The following ZEB2 variants were observed in gnomAD, a reference collection of about 807,000 sequenced individuals.
ZEB2 encodes the protein zinc finger E-box-binding homeobox 2.
In ZEB2, 6 loss-of-function variants were observed where a neutral mutation model predicts 99.9. The ratio of observed to expected loss-of-function variants is 0.06; its 90% CI spans 0.03 to 0.12. The LOEUF (loss-of-function observed/expected upper bound fraction) is 0.12, where lower values mean the gene tolerates loss of function less well. Among genes scored for constraint, ZEB2 ranks in the 10% least tolerant of loss-of-function variants. The pLI, the probability that ZEB2 is intolerant of heterozygous loss-of-function variation, is 1.00. For synonymous variants in ZEB2, 517 were observed against 542.5 expected, an observed-to-expected ratio of 0.95 and a Z score of 0.65; for missense variants, 969 against 1,502.8, an observed-to-expected ratio of 0.64 and a Z score of 5.87.
chr2:144,443,724 T>C (rs1290940967), intron 2 of ZEB2, among the ~76,000 whole-genome samples: 1 of 152,224 alleles, frequency 6.6e-6, no homozygotes, highest in Non-Finnish European at 1.5e-5. Context: ...GTATTTGTTC[T>C]CACAGATTCC....
intron 2 of ZEB2, among the ~76,000 whole-genome samples, chr2:144,441,164 C>CGAGAGAGACA (rs1553965032): frequency 2.3e-5 from 2 of 88,852 alleles, no homozygotes; most frequent in Non-Finnish European, 4.3e-5. Flanking sequence ...TTTAGCTGCA[C>CGAGAGAGACA]GAGAGAGAGA....
intron 4 of ZEB2, among the ~76,000 whole-genome samples, chr2:144,415,724 T>C (rs1256645711): frequency 6.6e-6 from 1 of 152,230 alleles, no homozygotes; most frequent in East Asian, 1.9e-4. Flanking sequence ...ATTCAACAAA[T>C]ACCCTGGTTA....
rs1389508177 is a variant in ZEB2 at position 144,389,778 on chromosome 2, C to A, written c.3318G>T (p.Leu1106=). The A allele has an allele frequency of 1.2e-6, 2 of 1,608,890 alleles. No homozygotes were observed. The highest frequency in any genetic ancestry group is 1.7e-6 in the Non-Finnish European group (2 of 1,176,518). The change falls in exon 10 of 10, where the codon CTG becomes CTT. Residue 1106 remains leucine, a synonymous_variant. Coordinates refer to ENST00000627532, the MANE Select transcript of ZEB2 (RefSeq NM_014795.4). The surrounding 1 kb of genome is among the most constrained non-coding windows in gnomAD (Gnocchi z 6.8). The part of the protein sequence containing the change: ...REKGHLEPTE[L]LMNRAYLQSI... ...TCTGCAAGTAAGCCCGGTTCATCAG[C>A]AGCTCGGTGGGTTCCAAGTGCCCTT...
chr2:144,517,617 G>GAC (rs753531758), intron 1 of ZEB2, 198 bp from the exon 2 acceptor site: 6,399 of 624,034 alleles, frequency 0.01, 196 homozygotes, highest in Admixed American at 0.023. Context: ...GTTACTGTTT[G>GAC]GTGTGTTGCA....
At chr2:144,478,377 C>T (rs1278255447) in intron 2 of ZEB2, among the ~76,000 whole-genome samples, 5 of 152,204 alleles carry the variant, frequency 3.3e-5, no homozygotes, top group African/African-American at 1.2e-4. Flanking sequence ...CTGAGCACTT[C>T]GTACCCACTG....
intron 2 of ZEB2, among the ~76,000 whole-genome samples, chr2:144,452,592 C>G (rs1457335426): frequency 6.6e-6 from 1 of 152,180 alleles, no homozygotes; most frequent in Non-Finnish European, 1.5e-5. Context: ...TAGCTCTGCT[C>G]CGGCGGTAAT....
chr2:144,389,317 C>G lies in ZEB2; in HGVS notation c.*134G>C. ...CCGTCTACATCTGTCTTGGCTGAAC[C>G]GCCCCTTCTGTCCCTCTCTACAGCT... On this transcript the variant is annotated 3_prime_UTR_variant, in exon 10 of 10. Transcript: ENST00000627532. This position sits in a 1 kb window ranked among gnomAD's most constrained non-coding sequence, Gnocchi z 6.8. 9.4e-7 allele frequency: 1 copy of G among 1,065,068 alleles called. No homozygotes were observed. The highest frequency in any genetic ancestry group is 1.6e-5 in the African/African-American group (1 of 63,916). The allele number at this position is 1,065,068 out of a possible 1,614,324, so 66.0% of individuals were successfully genotyped here.
rs575757871 is a variant in ZEB2 at position 144,480,920 on chromosome 2, A to G, written c.73+36358T>C. Among the ~76,000 whole-genome samples, 116 of 152,310 alleles carry G rather than the reference A, an allele frequency of 7.6e-4. 1 individual carries two copies. The highest frequency in any genetic ancestry group is 2.4e-3 in the African/African-American group (101 of 41,556). ...TCATTCACATACTCTCTAGAAGTAG[A>G]AAAGATTTTCATACAGATAGCTGCT... On this transcript the variant is annotated intron_variant, in intron 2 of 9. Transcript: ENST00000627532.
Position 144,417,821 on chromosome 2 carries a change from G to A in ZEB2, c.403+6975C>T, listed in dbSNP as rs371974846. ...GTGCATATTTCAGAATAGCTAGAAC[G>A]GGGGTTCTCGAATGTCCTTATCACA... On this transcript the variant is annotated intron_variant, in intron 4 of 9. Coordinates refer to ENST00000627532, the MANE Select transcript of ZEB2 (RefSeq NM_014795.4). Among the ~76,000 whole-genome samples the A allele has an allele frequency of 6.1e-4, 93 of 152,256 alleles. 1 individual carries two copies. The highest frequency in any genetic ancestry group is 1.9e-3 in the East Asian group (10 of 5,184).
chr2:144,505,096 A>G (rs770024074), intron 2 of ZEB2, among the ~76,000 whole-genome samples: 2 of 152,084 alleles, frequency 1.3e-5, no homozygotes, highest in Non-Finnish European at 2.9e-5. Flanking sequence ...ACGCACACAC[A>G]AAGGCACCAG....
At chr2:144,473,584 G>T (rs1490629509) in intron 2 of ZEB2, among the ~76,000 whole-genome samples, 1 of 152,136 alleles carries the variant, frequency 6.6e-6, no homozygotes, top group African/African-American at 2.4e-5. Context: ...GAAATAGCAA[G>T]CAAGAGGCTG....
At chr2:144,404,291 G>A (rs1211232952) in intron 5 of ZEB2, among the ~76,000 whole-genome samples, 161 bp from the exon 6 acceptor site, 1 of 146,066 alleles carries the variant, frequency 6.8e-6, no homozygotes, top group African/African-American at 2.5e-5. Flanking sequence ...CAGTCCCCTC[G>A]CATGCCCAGG....
chr2:144,423,662 T>G (rs1462561444), intron 4 of ZEB2, among the ~76,000 whole-genome samples: 2 of 152,180 alleles, frequency 1.3e-5, no homozygotes, highest in Non-Finnish European at 2.9e-5. Context: ...TACAGCTTTA[T>G]TTTTATACCT....
At chr2:144,513,052 A>G (rs2149931832) in intron 2 of ZEB2, 3 of 1,287,228 alleles carry the variant, frequency 2.3e-6, no homozygotes, top group South Asian at 1.2e-5. Context: ...CTAAGTGTGT[A>G]TGACTCTCGT....
At chr2:144,446,526 T>C (rs1012426767) in intron 2 of ZEB2, among the ~76,000 whole-genome samples, 3 of 152,186 alleles carry the variant, frequency 2.0e-5, no homozygotes, top group African/African-American at 7.2e-5. Context: ...CAAAACATGT[T>C]ACATGTATAT....
At chr2:144,426,959 T>C (rs550905183) in intron 3 of ZEB2, 2 of 152,338 alleles carry the variant, frequency 1.3e-5, no homozygotes, top group African/African-American at 4.8e-5. Context: ...TTTAGGAATA[T>C]TGCCTCCGAA....
At chr2:144,504,645 A>T (rs1434971615) in intron 2 of ZEB2, 1 of 152,214 alleles carries the variant, frequency 6.6e-6, no homozygotes, top group East Asian at 1.9e-4. Context: ...TGCGAGAAAA[A>T]AAACAACAAG....
chr2:144,423,875 C>T (rs1249556979), intron 4 of ZEB2, among the ~76,000 whole-genome samples: 1 of 151,928 alleles, frequency 6.6e-6, no homozygotes. Context: ...CATAAAACTT[C>T]AAGTTATTTT....
At chr2:144,448,612 G>A (rs1704016861) in intron 2 of ZEB2, 2 of 152,210 alleles carry the variant, frequency 1.3e-5, no homozygotes, top group Admixed American at 6.5e-5. Flanking sequence ...ACTCCATGCT[G>A]CTGATATAAT....
Sources: allele counts gnomAD v4.1 joint callset (sites outside exome capture counted in the v4.1 genomes callset), GRCh38; gene constraint gnomAD v4.1.1; non-coding constraint Gnocchi (gnomAD v3.1); transcripts MANE v1.5; gene names NCBI Gene and HGNC (gene_info 2026-07-23, HGNC 2026-07-21).